RAB3GAP2: variants seen among roughly 807,000 people sequenced by gnomAD.
RAB3GAP2 encodes the protein RAB3 GTPase activating non-catalytic protein subunit 2.
RAB3GAP2 carries 87 observed loss-of-function variants against 185.3 expected under a neutral mutation model. The observed-to-expected ratio is 0.47, with a 90% CI of 0.39 to 0.56. RAB3GAP2 has a LOEUF of 0.56. Ranked by LOEUF, RAB3GAP2 falls within the 20% of genes least tolerant of loss-of-function variation. The probability of loss-of-function intolerance (pLI) is 0.00; values close to 1 mark genes in which losing one functional copy is unlikely to be tolerated. For synonymous variants in RAB3GAP2, 554 were observed against 576.1 expected (o/e 0.96, Z 0.55); for missense variants, 1,492 against 1,638.2 (o/e 0.91, Z 1.54).
chr1:220,226,698 TC>T (rs1430961380), intron 2 of RAB3GAP2, among the ~76,000 whole-genome samples: 1 of 152,204 alleles, frequency 6.6e-6, no homozygotes, highest in African/African-American at 2.4e-5. Context: ...AAGTTGAAAT[TC>T]CTTAACCTTA....
intron 4 of RAB3GAP2, chr1:220,211,221 A>G (rs1362292796): frequency 3.0e-6 from 2 of 677,862 alleles, no homozygotes; most frequent in Admixed American, 2.1e-5. Flanking sequence ...GGTTAATAAA[A>G]AACAGAATTT....
rs371029254 is a variant in RAB3GAP2, at chr1:220,210,403, G to A, written c.597C>T (p.Pro199=). The A allele has an allele frequency of 3.7e-5, 59 of 1,613,616 alleles. No homozygotes were observed. Among genetic ancestry groups the A allele is most frequent in the Admixed American group, 1.0e-4 (6 of 59,994 alleles). The part of the protein sequence containing the change: ...KCRTYEIPRH[P]GVTEQNEELS... ...TTTACACTACCTGCTCAGTCACGCC[G>A]GGATGTCGTGGTATTTCATAGGTTC... Residue 199 remains proline, a synonymous_variant, in exon 7 of 35, where the codon CCC becomes CCT. Transcript: ENST00000358951.
At chr1:220,166,293 T>C (rs948934975) in intron 26 of RAB3GAP2, among the ~76,000 whole-genome samples, 1 of 152,226 alleles carries the variant, frequency 6.6e-6, no homozygotes, top group African/African-American at 2.4e-5. Context: ...TCCATTAATA[T>C]ATTAGCATGA....
chr1:220,163,083 G>A (rs1657993419), intron 27 of RAB3GAP2, among the ~76,000 whole-genome samples: 1 of 152,098 alleles, frequency 6.6e-6, no homozygotes, highest in Admixed American at 6.6e-5. Flanking sequence ...AGATTATTGT[G>A]AGCTATGTGT....
At chr1:220,220,486 T>G (rs900021898) in intron 2 of RAB3GAP2, 6 of 152,398 alleles carry the variant, frequency 3.9e-5, no homozygotes, top group African/African-American at 1.2e-4. Context: ...ACGAGTAGGA[T>G]CCAGCTTGCT....
chr1:220,214,961 T>TATATATATATATATATATATAA (rs1214143846), intron 2 of RAB3GAP2, among the ~76,000 whole-genome samples: 20 of 143,062 alleles, frequency 1.4e-4, no homozygotes, highest in African/African-American at 4.9e-4. Flanking sequence ...TATATATATA[T>TATATATATATATATATATATAA]ATATATATAT....
chr1:220,243,940 A>G (rs1392417269), intron 1 of RAB3GAP2, among the ~76,000 whole-genome samples: 1 of 152,242 alleles, frequency 6.6e-6, no homozygotes, highest in Non-Finnish European at 1.5e-5. Flanking sequence ...AAAGCCATAT[A>G]TGACAAACCC....
intron 1 of RAB3GAP2, among the ~76,000 whole-genome samples, chr1:220,258,236 G>A (rs1660066015): frequency 6.6e-6 from 1 of 152,102 alleles, no homozygotes; most frequent in Non-Finnish European, 1.5e-5. Flanking sequence ...CTCATTCTAT[G>A]AGACCAGCAT....
At chr1:220,264,812 T>G (rs1660201010) in intron 1 of RAB3GAP2, among the ~76,000 whole-genome samples, 1 of 152,162 alleles carries the variant, frequency 6.6e-6, no homozygotes, top group Admixed American at 6.5e-5. Flanking sequence ...CTGCATAGAC[T>G]AGACCAACAC....
chr1:220,206,347 C>T (rs375744827), intron 7 of RAB3GAP2, among the ~76,000 whole-genome samples: 46 of 152,270 alleles, frequency 3.0e-4, no homozygotes, highest in Admixed American at 7.8e-4. Context: ...ATCCCAGACA[C>T]GTCTCAATAC....
chr1:220,160,821 T>C (rs893326), intron 28 of RAB3GAP2, among the ~76,000 whole-genome samples: 13,132 of 152,188 alleles, frequency 0.086, 1,287 homozygotes, highest in African/African-American at 0.23. Context: ...ACACTCCCTA[T>C]TGTCTGTTTA....
chr1:220,211,109 A>C, intron 4 of RAB3GAP2, 107 bp from the exon 5 acceptor site: 1 of 1,101,932 alleles, frequency 9.1e-7, no homozygotes, highest in Non-Finnish European at 1.4e-6. Flanking sequence ...GACTTCTGTG[A>C]ACCAGTTTTA....
chr1:220,188,749 A>G (rs1198375069), intron 17 of RAB3GAP2, among the ~76,000 whole-genome samples: 1 of 152,208 alleles, frequency 6.6e-6, no homozygotes, highest in African/African-American at 2.4e-5. Context: ...GGATAAGCAT[A>G]GCATCATTTG....
Position 220,151,393 on chromosome 1 carries a change from A to T in RAB3GAP2, c.4040T>A (p.Leu1347His). ...TWLKAMDPQD[L>H]QNTEVPIATT... Reference sequence around the variant, plus strand: ...TGCAATTGGCACTTCAGTGTTTTGAAGGTCCTGGGGGTCCTGCAAATGGGA... The same window carrying T: ...TGCAATTGGCACTTCAGTGTTTTGATGGTCCTGGGGGTCCTGCAAATGGGA... Residue 1347 changes from leucine to histidine, a missense_variant, in exon 35 of 35, where the codon CTT becomes CAT. Physicochemically the swap from Leu to His is moderately conservative, Grantham distance 99. Transcript: ENST00000358951. The T allele has an allele frequency of 6.2e-7, 1 of 1,614,196 alleles. No individual in the cohort carries two copies. Among genetic ancestry groups the T allele is most frequent in the Non-Finnish European group, 8.5e-7 (1 of 1,180,014 alleles).
chr1:220,185,285 G>A (rs1348345226), intron 18 of RAB3GAP2, among the ~76,000 whole-genome samples: 1 of 152,118 alleles, frequency 6.6e-6, no homozygotes, highest in Non-Finnish European at 1.5e-5. Context: ...AGAAAATTCA[G>A]AAATAATAAT....
At chr1:220,210,170 T>C (rs1659052035) in intron 7 of RAB3GAP2, among the ~76,000 whole-genome samples, 2 of 152,206 alleles carry the variant, frequency 1.3e-5, no homozygotes, top group Non-Finnish European at 2.9e-5. Flanking sequence ...TTTACTTTGT[T>C]GTAGAATGAA....
chr1:220,226,768 C>T (rs1659410509), intron 2 of RAB3GAP2, among the ~76,000 whole-genome samples: 1 of 152,192 alleles, frequency 6.6e-6, no homozygotes, highest in Middle Eastern at 3.4e-3. Flanking sequence ...GTCCCCTTGC[C>T]CCCACCCCAA....
intron 1 of RAB3GAP2, among the ~76,000 whole-genome samples, chr1:220,250,732 G>A (rs1659916922): frequency 6.6e-6 from 1 of 151,914 alleles, no homozygotes; most frequent in African/African-American, 2.4e-5. Flanking sequence ...TAGTGATAGT[G>A]CTGTTCTCAT....
intron 8 of RAB3GAP2, among the ~76,000 whole-genome samples, chr1:220,203,021 T>A (rs1319702952): frequency 6.6e-6 from 1 of 152,200 alleles, no homozygotes; most frequent in African/African-American, 2.4e-5. Context: ...TTTCTCCCTC[T>A]TGACAAAGTA....
Sources: gnomAD v4.1 joint callset for allele counts (sites outside exome capture counted in the v4.1 genomes callset) on GRCh38, gnomAD v4.1.1 for gene constraint, MANE v1.5 for transcripts, NCBI Gene and HGNC (gene_info 2026-07-23, HGNC 2026-07-21) for gene names.